The following TGFBR3 variants were observed in gnomAD, a reference collection of about 807,000 sequenced individuals.
The protein encoded by TGFBR3 is transforming growth factor beta receptor type 3.
A neutral mutation model predicts 87.9 loss-of-function variants in TGFBR3; 46 were observed. The observed-to-expected ratio is 0.52, with a 90% CI of 0.41 to 0.67. TGFBR3 has a LOEUF of 0.67. TGFBR3 is among the 30% of genes least tolerant of loss of function. TGFBR3 has a pLI of 0.00. For missense variants in TGFBR3, 866 were observed against 1,041.9 expected (o/e 0.83, Z 2.32); for synonymous variants, 381 against 391.6 (o/e 0.97, Z 0.32).
At position 91,719,376 on chromosome 1, in the gene TGFBR3, G is replaced by A; in HGVS notation, c.1502C>T (p.Pro501Leu). The change falls in exon 10 of 17, where the codon CCT (proline) becomes CTT (leucine). Residue 501 changes from proline to leucine, a missense_variant. Pro to Leu is a moderately conservative substitution (Grantham distance 98). Transcript: ENST00000212355. The stretch of plus-strand genomic sequence containing the variant: ...GGGCCGAGTACCGCAGCCATTCAGA[G>A]GAGACTCCAAAACAAAGTGTGTGCC... The part of the protein sequence containing the change: ...MNGTHFVLES[P>L]LNGCGTRPRW... 1 of 1,614,166 alleles carries A rather than the reference G, an allele frequency of 6.2e-7. No individual in the cohort carries two copies. Among genetic ancestry groups the A allele is most frequent in the Non-Finnish European group, 8.5e-7 (1 of 1,180,038 alleles).
At chr1:91,755,547 G>A (rs986915325) in intron 4 of TGFBR3, among the ~76,000 whole-genome samples, 3 of 152,150 alleles carry the variant, frequency 2.0e-5, no homozygotes, top group Non-Finnish European at 2.9e-5. Context: ...TGCCTCCCAC[G>A]TGTTGGTAAT....
chr1:91,755,475 T>C (rs1260314530), intron 4 of TGFBR3, among the ~76,000 whole-genome samples: 1 of 152,168 alleles, frequency 6.6e-6, no homozygotes, highest in Non-Finnish European at 1.5e-5. Context: ...AAAGGAAGCC[T>C]GCTGGACAAC....
intron 4 of TGFBR3, among the ~76,000 whole-genome samples, chr1:91,749,300 CCT>C (rs1268712239): frequency 6.6e-6 from 1 of 152,104 alleles, no homozygotes; most frequent in African/African-American, 2.4e-5. Context: ...CGGAAGACCC[CCT>C]GACTTCCAGG....
intron 12 of TGFBR3, among the ~76,000 whole-genome samples, chr1:91,713,354 C>G (rs1557671143): frequency 6.6e-6 from 1 of 152,160 alleles, no homozygotes; most frequent in African/African-American, 2.4e-5. Flanking sequence ...CAAGTGTAAA[C>G]AGAATTCAAA....
chr1:91,893,380 G>C (rs1461468653), intron 2 of TGFBR3, among the ~76,000 whole-genome samples: 1 of 151,966 alleles, frequency 6.6e-6, no homozygotes, highest in Non-Finnish European at 1.5e-5. Context: ...CACCTCCCGG[G>C]TTCAAGCAAT....
intron 2 of TGFBR3, among the ~76,000 whole-genome samples, chr1:91,821,920 T>C (rs191009181): frequency 6.6e-5 from 10 of 152,344 alleles, no homozygotes; most frequent in African/African-American, 2.2e-4. Flanking sequence ...TAGATTTCAG[T>C]ATCAATTCTC....
rs1285936868 is a variant in TGFBR3, at chr1:91,708,730, G to C, written c.2220C>G (p.Ala740=). The change falls in exon 14 of 17, where the codon GCC becomes GCG. Residue 740 remains alanine, a synonymous_variant. Coordinates refer to ENST00000212355, the MANE Select transcript of TGFBR3 (RefSeq NM_003243.5). ...TGAACGTCTTCTTATTCTGCATCATGGCCCAGATTATCGAGGCGTCCAGCG... is the reference window on the plus strand; with the variant it reads ...TGAACGTCTTCTTATTCTGCATCATCGCCCAGATTATCGAGGCGTCCAGCG... ...CTSLDASIIW[A]MMQNKKTFTK... is the part of the protein sequence containing the mutation. The C allele has an allele frequency of 5.0e-6, 8 of 1,614,082 alleles. No homozygotes were observed. Among genetic ancestry groups the C allele is most frequent in the Non-Finnish European group, 6.8e-6 (8 of 1,179,986 alleles).
At chr1:91,787,386 T>A (rs1401468589) in intron 3 of TGFBR3, among the ~76,000 whole-genome samples, 4 of 151,772 alleles carry the variant, frequency 2.6e-5, no homozygotes, top group Admixed American at 2.6e-4. Context: ...ATTAAGTAAC[T>A]CACCCAGGGT....
upstream of TGFBR3, among the ~76,000 whole-genome samples, chr1:91,887,682 T>C (rs1288136026): frequency 2.0e-5 from 3 of 152,182 alleles, no homozygotes; most frequent in East Asian, 5.8e-4. Context: ...CTTGTACCTA[T>C]AGGCAGAGAA....
intron 3 of TGFBR3, among the ~76,000 whole-genome samples, chr1:91,788,312 T>C (rs1675050961): frequency 6.6e-6 from 1 of 151,548 alleles, no homozygotes; most frequent in Non-Finnish European, 1.5e-5. Flanking sequence ...ATCATCAGGG[T>C]CTCCCCAGAG....
Position 91,698,091 on chromosome 1 carries a change from G to A in TGFBR3, c.2327C>T (p.Pro776Leu), listed in dbSNP as rs772944696. 1.5e-5 allele frequency: 24 copies of A among 1,613,646 alleles called. No homozygotes were observed. Among genetic ancestry groups the A allele is most frequent in the Non-Finnish European group, 1.9e-5 (22 of 1,179,708 alleles). The change falls in exon 15 of 17, where the codon CCA becomes CTA. Residue 776 changes from proline to leucine, a missense_variant and splice_region_variant. By Grantham distance (98) the Pro-to-Leu change is moderately conservative (BLOSUM62 -3). Coordinates refer to ENST00000212355, the MANE Select transcript of TGFBR3 (RefSeq NM_003243.5). ...GAAATAGTTGCATAAAGACTTACGT[G>A]GAGAAATTGGATTTGGTTCCTTCAT... Reference protein sequence around the residue: ...PSMKEPNPISPPIFHGLDTLT... With the variant: ...PSMKEPNPISLPIFHGLDTLT...
intron 5 of TGFBR3, 33 bp from the exon 6 acceptor site, chr1:91,730,006 C>T (rs1235466431): frequency 6.2e-7 from 1 of 1,613,214 alleles, no homozygotes; most frequent in African/African-American, 1.3e-5. Context: ...TGTCAAACCA[C>T]TGAGGTACTC....
chr1:91,754,802 T>A (rs1557693778), intron 4 of TGFBR3, among the ~76,000 whole-genome samples: 1 of 152,144 alleles, frequency 6.6e-6, no homozygotes, highest in Admixed American at 6.5e-5. Context: ...TGGGCAGTCA[T>A]AACAACACAG....
intron 3 of TGFBR3, among the ~76,000 whole-genome samples, chr1:91,785,691 C>T (rs1395231511): frequency 1.3e-5 from 2 of 151,996 alleles, no homozygotes; most frequent in African/African-American, 2.4e-5. Context: ...TTAAGCCCTC[C>T]GTCAAATGTT....
At chr1:91,831,871 G>C (rs567366127) in intron 2 of TGFBR3, among the ~76,000 whole-genome samples, 1 of 152,138 alleles carries the variant, frequency 6.6e-6, no homozygotes, top group Non-Finnish European at 1.5e-5. Flanking sequence ...AGGGAAAAAA[G>C]CATGTTCAAA....
intron 1 of TGFBR3, among the ~76,000 whole-genome samples, chr1:91,884,912 C>G (rs1331485952): frequency 6.6e-6 from 1 of 152,250 alleles, no homozygotes. Flanking sequence ...CAGAATACGC[C>G]TGGTTCCCCA....
At chr1:91,851,502 C>T (rs944373777) in intron 2 of TGFBR3, among the ~76,000 whole-genome samples, 4 of 151,670 alleles carry the variant, frequency 2.6e-5, no homozygotes, top group Admixed American at 6.6e-5. Context: ...CCAGAACACT[C>T]CCTGCTCCTA....
chr1:91,744,301 G>A (rs1043579225), intron 4 of TGFBR3, among the ~76,000 whole-genome samples: 5 of 152,036 alleles, frequency 3.3e-5, no homozygotes, highest in Non-Finnish European at 7.4e-5. Context: ...GGGCAGGCTG[G>A]TCTCGAACTC....
intron 4 of TGFBR3, among the ~76,000 whole-genome samples, chr1:91,748,621 G>A (rs765610476): frequency 6.6e-6 from 1 of 152,134 alleles, no homozygotes; most frequent in Admixed American, 6.5e-5. Flanking sequence ...GTCATGAGTG[G>A]CTCCAGACTG....
Sources: allele counts gnomAD v4.1 joint callset (sites outside exome capture counted in the v4.1 genomes callset), GRCh38; gene constraint gnomAD v4.1.1; transcripts MANE v1.5; gene names NCBI Gene and HGNC (gene_info 2026-07-23, HGNC 2026-07-21).